Variants in TFB1M observed in about 807,000 individuals in gnomAD.
TFB1M encodes dimethyladenosine transferase 1, mitochondrial.
A neutral mutation model predicts 31.1 loss-of-function variants in TFB1M; 27 were observed. The observed-to-expected ratio is 0.87, with a 90% CI of 0.64 to 1.20. The LOEUF (loss-of-function observed/expected upper bound fraction) is 1.20, where lower values mean the gene tolerates loss of function less well. Ranked by LOEUF, TFB1M falls within the 50% of genes most tolerant of loss-of-function variation. The probability of loss-of-function intolerance (pLI) is 0.00; values close to 1 mark genes in which losing one functional copy is unlikely to be tolerated. For missense variants in TFB1M, 394 were observed against 418.7 expected (o/e 0.94, Z 0.51); for synonymous variants, 166 against 151.8 (o/e 1.09, Z -0.69).
downstream of TFB1M, chr6:155,251,873 C>A: frequency 8.4e-7 from 1 of 1,194,450 alleles, no homozygotes; most frequent in Non-Finnish European, 1.2e-6. Context: ...TCTGTTAAGA[C>A]GTTCAGCTCT....
At chr6:155,263,209 G>A (rs992968840) in intron 5 of TFB1M, among the ~76,000 whole-genome samples, 8 of 151,996 alleles carry the variant, frequency 5.3e-5, no homozygotes, top group South Asian at 4.1e-4. Context: ...CTATGGTAAC[G>A]AATACAAAAA....
rs114084835 is a variant in TFB1M, at chr6:155,264,784, G to T, written c.667-4384C>A. Among the ~76,000 whole-genome samples, 379 of 152,278 alleles carry T rather than the reference G, an allele frequency of 2.5e-3. 2 individuals carry two copies. The highest frequency in any genetic ancestry group is 8.3e-3 in the African/African-American group (344 of 41,554). ...AAGAGAAATAAGACTAAGAAATGTG[G>T]TGAGGGGGATGAAGAGTTTTTTTAC... On this transcript the variant is annotated intron_variant, in intron 5 of 6. Transcript: ENST00000367166.
intron 5 of TFB1M, among the ~76,000 whole-genome samples, chr6:155,270,298 G>T (rs1455686872): frequency 6.6e-6 from 1 of 152,184 alleles, no homozygotes; most frequent in Non-Finnish European, 1.5e-5. Context: ...GAGTTCAGGG[G>T]AGAGGGCTGG....
At chr6:155,248,169 C>T in the TFB1M span, 1 of 1,613,614 alleles carries the variant, frequency 6.2e-7, no homozygotes, top group Non-Finnish European at 8.5e-7. Flanking sequence ...AGGAGCACTA[C>T]CACCTGACGG....
chr6:155,280,987 T>C (rs899889866), intron 5 of TFB1M, among the ~76,000 whole-genome samples: 4 of 152,356 alleles, frequency 2.6e-5, no homozygotes, highest in Middle Eastern at 3.4e-3. Flanking sequence ...ATGTGTACCA[T>C]GTTTGAAGGT....
rs373360690 is a variant in TFB1M at position 155,311,354 on chromosome 6, G to C, written c.134-15C>G. Reference sequence around the variant, plus strand: ...TACAATCTTATCTAGAGGAAAAAGAGTTTTAGTTATCTCAATTAACTTGGC... The same window carrying C: ...TACAATCTTATCTAGAGGAAAAAGACTTTTAGTTATCTCAATTAACTTGGC... On this transcript the variant is annotated splice_polypyrimidine_tract_variant and intron_variant, in intron 1 of 6. Coordinates refer to ENST00000367166, the MANE Select transcript of TFB1M (RefSeq NM_016020.4). 3.7e-6 allele frequency: 6 copies of C among 1,611,316 alleles called. No homozygotes were observed. The highest frequency in any genetic ancestry group is 5.1e-6 in the Non-Finnish European group (6 of 1,177,704).
intron 2 of TFB1M, among the ~76,000 whole-genome samples, chr6:155,301,403 A>T (rs140782685): frequency 6.6e-6 from 1 of 152,330 alleles, no homozygotes; most frequent in East Asian, 1.9e-4. Context: ...ACACATGAAG[A>T]CCTTCTAGCC....
At chr6:155,249,759 T>C in the TFB1M span, 4 of 1,082,698 alleles carry the variant, frequency 3.7e-6, no homozygotes, top group African/African-American at 6.3e-5. Context: ...TCTGGAATCC[T>C]GAGTTGAATC....
intron 3 of TFB1M, 56 bp downstream of exon 3, chr6:155,298,421 T>C (rs1176158523): frequency 1.1e-6 from 1 of 890,216 alleles, no homozygotes; most frequent in East Asian, 2.4e-5. Context: ...AAAATGAACA[T>C]TTGTGATATA....
At chr6:155,295,871 A>G (rs567424363) in intron 4 of TFB1M, among the ~76,000 whole-genome samples, 1 of 152,294 alleles carries the variant, frequency 6.6e-6, no homozygotes, top group African/African-American at 2.4e-5. Context: ...AGTATATGGG[A>G]TGATATGCAC....
At chr6:155,274,674 G>C (rs1335345339) in intron 5 of TFB1M, among the ~76,000 whole-genome samples, 2 of 152,206 alleles carry the variant, frequency 1.3e-5, no homozygotes, top group African/African-American at 4.8e-5. Context: ...CCTCAGTCAG[G>C]ATTTTGCAAA....
chr6:155,250,771 G>A, the TFB1M span: 1 of 1,116,330 alleles, frequency 9.0e-7, no homozygotes, highest in African/African-American at 1.6e-5. Context: ...CACCGTTTAA[G>A]GCCCCATGTT....
chr6:155,306,322 C>T (rs997416962), intron 2 of TFB1M, among the ~76,000 whole-genome samples: 5 of 152,028 alleles, frequency 3.3e-5, no homozygotes, highest in Non-Finnish European at 7.4e-5. Context: ...ATACGTCTAC[C>T]ACAGGACCCG....
intron 5 of TFB1M, among the ~76,000 whole-genome samples, chr6:155,280,725 C>G (rs1246626159): frequency 6.6e-6 from 1 of 152,172 alleles, no homozygotes; most frequent in Non-Finnish European, 1.5e-5. Context: ...ATAACATCCT[C>G]AATGTCAGAT....
chr6:155,249,400 G>T, the TFB1M span, among the ~76,000 whole-genome samples: 1 of 152,184 alleles, frequency 6.6e-6, no homozygotes, highest in Non-Finnish European at 1.5e-5. Flanking sequence ...GCCCAGTCAG[G>T]CTTGGGTTTG....
At chr6:155,287,503 T>A (rs1307521608) in intron 4 of TFB1M, among the ~76,000 whole-genome samples, 1 of 151,450 alleles carries the variant, frequency 6.6e-6, no homozygotes, top group Non-Finnish European at 1.5e-5. Flanking sequence ...TACAGTATAA[T>A]GCTATTTGTA....
In TFB1M at chr6:155,305,232, ATT is replaced by A. The variant is rs1491276095; in HGVS notation, c.285+5954_285+5955del. Among the ~76,000 whole-genome samples, 41 of 48,798 alleles carry A rather than the reference ATT, an allele frequency of 8.4e-4. 8 individuals are homozygous for A. The highest frequency in any genetic ancestry group is 0.015 in the Middle Eastern group (1 of 68). 32.0% of individuals were successfully genotyped at this position (48,798 alleles called of 152,430 possible). On this transcript the variant is annotated intron_variant, in intron 2 of 6. Coordinates refer to ENST00000367166, the MANE Select transcript of TFB1M (RefSeq NM_016020.4). ...TTAAATTATATATTTATATATATAT[ATT>A]AAATTATATATTTATATATATATTA...
In TFB1M at chr6:155,257,877, C is replaced by A; in HGVS notation, c.1000G>T (p.Glu334Ter). ...EELKRRKSKN[E>*]EKEEDDAENY... Reference sequence around the variant, plus strand: ...TCTGCGTCATCCTCTTCTTTTTCTTCATTTTTGCTTTTTCTTCGCTTGAGT... The same window carrying A: ...TCTGCGTCATCCTCTTCTTTTTCTTAATTTTTGCTTTTTCTTCGCTTGAGT... Residue 334 changes from glutamate to a stop codon, truncating the protein, a stop_gained, in exon 7 of 7, where the codon GAA (glutamate) becomes TAA (stop). Transcript: ENST00000367166. LOFTEE classifies it low-confidence loss of function (END_TRUNC). 1 of 1,614,156 alleles carries A rather than the reference C, an allele frequency of 6.2e-7. No homozygotes were observed. The highest frequency in any genetic ancestry group is 8.5e-7 in the Non-Finnish European group (1 of 1,179,994).
downstream of TFB1M, chr6:155,254,405 C>G (rs536446786): frequency 1.9e-5 from 30 of 1,559,744 alleles, no homozygotes; most frequent in Admixed American, 3.4e-5. Context: ...TGTTTTCTCT[C>G]CCCCCCCACC....
Sources: gnomAD v4.1 joint callset for allele counts (sites outside exome capture counted in the v4.1 genomes callset) on GRCh38, gnomAD v4.1.1 for gene constraint, MANE v1.5 for transcripts, NCBI Gene and HGNC (gene_info 2026-07-23, HGNC 2026-07-21) for gene names.